FSHR: variants seen among roughly 807,000 people sequenced by gnomAD.
FSHR encodes the protein follicle stimulating hormone receptor.
FSHR carries 46 observed loss-of-function variants against 52.1 expected under a neutral mutation model. The observed-to-expected ratio is 0.88, with a 90% confidence interval of 0.70 to 1.13. The LOEUF (loss-of-function observed/expected upper bound fraction) is 1.13, where lower values mean the gene tolerates loss of function less well. FSHR is among the 50% of genes most tolerant of loss of function. The probability of loss-of-function intolerance (pLI) is 0.00; values close to 1 mark genes in which losing one functional copy is unlikely to be tolerated. For missense variants in FSHR, 964 were observed against 834.6 expected (o/e 1.16, Z -1.91); for synonymous variants, 399 against 309.6 (o/e 1.29, Z -3.03).
intron 2 of FSHR, among the ~76,000 whole-genome samples, chr2:49,050,390 A>G (rs923480914): frequency 2.2e-4 from 33 of 152,200 alleles, no homozygotes; most frequent in African/African-American, 6.3e-4. Flanking sequence ...GGAGTAGAGA[A>G]TCACTCTAGG....
At chr2:49,058,743 T>G (rs571573257) in intron 2 of FSHR, among the ~76,000 whole-genome samples, 2 of 151,552 alleles carry the variant, frequency 1.3e-5, no homozygotes, top group South Asian at 4.2e-4. Context: ...TAAATTTAAC[T>G]CAAGTGGAAA....
At chr2:49,139,451 G>A (rs1199843079) in intron 1 of FSHR, among the ~76,000 whole-genome samples, 4 of 152,120 alleles carry the variant, frequency 2.6e-5, no homozygotes, top group Non-Finnish European at 4.4e-5. Flanking sequence ...GGTATAGCAC[G>A]CAGCATTTTC....
At chr2:49,014,070 G>T (rs1490468620) in intron 4 of FSHR, among the ~76,000 whole-genome samples, 1 of 152,084 alleles carries the variant, frequency 6.6e-6, no homozygotes, top group East Asian at 1.9e-4. Flanking sequence ...TCCTGATCTT[G>T]GGCTTCTAGC....
chr2:49,021,863 C>CTCTCTCTCTCTA (rs1467766420), intron 2 of FSHR, among the ~76,000 whole-genome samples: 4 of 49,872 alleles, frequency 8.0e-5, no homozygotes, highest in African/African-American at 1.6e-4. Flanking sequence ...CTCTCTCTCT[C>CTCTCTCTCTCTA]TATATATATA....
intron 2 of FSHR, among the ~76,000 whole-genome samples, chr2:49,062,611 C>G (rs1334171543): frequency 6.6e-6 from 1 of 151,814 alleles, no homozygotes; most frequent in Non-Finnish European, 1.5e-5. Flanking sequence ...AAGGAAACAA[C>G]CGAGTGAAGA....
chr2:48,984,124 G>C (rs148022042), intron 6 of FSHR, among the ~76,000 whole-genome samples: 1 of 152,144 alleles, frequency 6.6e-6, no homozygotes, highest in African/African-American at 2.4e-5. Context: ...GTGCATCCAG[G>C]ACTCTCTTTC....
intron 4 of FSHR, chr2:48,997,461 C>T: frequency 1.1e-6 from 1 of 876,026 alleles, no homozygotes; most frequent in Non-Finnish European, 1.4e-6. Flanking sequence ...CCTAGATTTG[C>T]AATCAGCCTC....
At chr2:49,067,093 T>C (rs1413224707) in intron 2 of FSHR, among the ~76,000 whole-genome samples, 1 of 152,056 alleles carries the variant, frequency 6.6e-6, no homozygotes, top group Non-Finnish European at 1.5e-5. Context: ...AAATTGGAAA[T>C]CACGTAAGCC....
At chr2:49,045,875 T>A (rs1196856183) in intron 2 of FSHR, among the ~76,000 whole-genome samples, 1 of 152,216 alleles carries the variant, frequency 6.6e-6, no homozygotes, top group Non-Finnish European at 1.5e-5. Context: ...GGGTTATTGT[T>A]TTCTTCAGAC....
intron 1 of FSHR, among the ~76,000 whole-genome samples, chr2:49,133,314 C>G (rs1672362575): frequency 6.6e-6 from 1 of 152,156 alleles, no homozygotes; most frequent in South Asian, 2.1e-4. Flanking sequence ...TCTGATAGCT[C>G]TTGTCCCAGT....
rs187323062 is a variant in FSHR at position 48,973,303 on chromosome 2, C to T, written c.669-4420G>A. On this transcript the variant is annotated intron_variant, in intron 8 of 9. Coordinates refer to ENST00000406846, the MANE Select transcript of FSHR (RefSeq NM_000145.4). ...GCAAATGCACATGCAAATGCACACA[C>T]ACACCCAATAAACACAGATGTGTGA... 3.3e-5 allele frequency among the ~76,000 whole-genome samples: 5 copies of T among 152,190 alleles called. No homozygotes were observed. In the East Asian group the frequency reaches 7.7e-4, roughly 24 times the overall value.
rs371875648 is a variant in FSHR, at chr2:49,154,449, G to C, written c.-32C>G. 8 of 1,610,372 alleles carry C rather than the reference G, an allele frequency of 5.0e-6. No individual in the cohort carries two copies. In the African/African-American group the frequency reaches 9.4e-5, roughly 19 times the overall value. ...GCATCCATCCACCTGATTTCTTCCTGCATTTGCAGAGAAAAACCTCCACAG... is the reference window on the plus strand; with the variant it reads ...GCATCCATCCACCTGATTTCTTCCTCCATTTGCAGAGAAAAACCTCCACAG... On this transcript the variant is annotated 5_prime_UTR_variant, in exon 1 of 10. Coordinates refer to ENST00000406846, the MANE Select transcript of FSHR (RefSeq NM_000145.4).
At chr2:49,030,271 AGTGTGTGTGTGT>A (rs141079184) in intron 2 of FSHR, among the ~76,000 whole-genome samples, 148 of 140,460 alleles carry the variant, frequency 1.1e-3, no homozygotes, top group East Asian at 5.4e-3. Context: ...AGGAATAGCA[AGTGTGTGTGTGT>A]GTGTGTGTGT....
At chr2:48,969,642 T>A (rs906340633) in intron 8 of FSHR, among the ~76,000 whole-genome samples, 11 of 152,212 alleles carry the variant, frequency 7.2e-5, no homozygotes, top group African/African-American at 2.4e-4. Context: ...CAACACTTAG[T>A]GTCTGGCAAC....
chr2:48,963,146 G>A lies in FSHR; in HGVS notation c.1675C>T (p.Pro559Ser), dbSNP rs1282615886. The stretch of plus-strand genomic sequence containing the variant: ...TCACTAGAGGAGGACACGATGTTGG[G>A]GTTCCGCACTGTGAGGTAGATGTGG... ...YIHIYLTVRN[P>S]NIVSSSSDTR... is the part of the protein sequence containing the mutation. The change falls in exon 10 of 10, where the codon CCC (proline) becomes TCC (serine). Residue 559 changes from proline (P) to serine (S), a missense_variant. Physicochemically the swap from Pro to Ser is moderately conservative, Grantham distance 74. Transcript: ENST00000406846. 1.2e-6 allele frequency: 2 copies of A among 1,614,000 alleles called. No homozygotes were observed. Among genetic ancestry groups the A allele is most frequent in the Non-Finnish European group, 1.7e-6 (2 of 1,180,026 alleles).
At chr2:48,988,870 G>T in intron 6 of FSHR, 107 bp downstream of exon 6, 1 of 873,008 alleles carries the variant, frequency 1.1e-6, no homozygotes, top group South Asian at 1.4e-5. Flanking sequence ...TTTAAGTGGA[G>T]AAATGCCAAA....
intron 1 of FSHR, among the ~76,000 whole-genome samples, chr2:49,109,969 A>G (rs1671366701): frequency 6.6e-6 from 1 of 152,170 alleles, no homozygotes; most frequent in South Asian, 2.1e-4. Context: ...TGCAGGTGTC[A>G]GATAATGTGA....
At chr2:49,128,251 A>G (rs560101882) in intron 1 of FSHR, among the ~76,000 whole-genome samples, 3 of 152,200 alleles carry the variant, frequency 2.0e-5, no homozygotes, top group African/African-American at 7.2e-5. Context: ...CTCAGTGCAT[A>G]CTGAACAGAC....
chr2:49,035,837 G>A (rs1668251993), intron 2 of FSHR, among the ~76,000 whole-genome samples: 1 of 152,194 alleles, frequency 6.6e-6, no homozygotes, highest in South Asian at 2.1e-4. Flanking sequence ...AAAATTTCAA[G>A]CACTCTGAGA....
Sources: gnomAD v4.1 joint callset for allele counts (sites outside exome capture counted in the v4.1 genomes callset) on GRCh38, gnomAD v4.1.1 for gene constraint, MANE v1.5 for transcripts, NCBI Gene and HGNC (gene_info 2026-07-23, HGNC 2026-07-21) for gene names.